The following XKR6 variants were observed in gnomAD, a reference collection of about 807,000 sequenced individuals.
XKR6 encodes XK related 6.
Under a neutral mutation model 56.7 loss-of-function variants are expected in XKR6, and 22 were observed. The ratio of observed to expected loss-of-function variants is 0.39; its 90% CI spans 0.28 to 0.55. The LOEUF (loss-of-function observed/expected upper bound fraction) is 0.55. Among genes scored for constraint, XKR6 ranks in the 20% least tolerant of loss-of-function variants. The pLI is 0.66. For missense variants in XKR6, 852 were observed against 889.0 expected, an observed-to-expected ratio of 0.96 and a Z score of 0.53; for synonymous variants, 524 against 387.8, an observed-to-expected ratio of 1.35 and a Z score of -4.13.
At chr8:11,009,971 A>G (rs1235727961) in intron 1 of XKR6, among the ~76,000 whole-genome samples, 1 of 152,228 alleles carries the variant, frequency 6.6e-6, no homozygotes. Flanking sequence ...AAATAATTGT[A>G]TTAGTCTGTT....
intron 1 of XKR6, among the ~76,000 whole-genome samples, chr8:11,010,564 C>T (rs1798477250): frequency 1.3e-5 from 2 of 152,188 alleles, no homozygotes; most frequent in African/African-American, 2.4e-5. Flanking sequence ...ACTCATCAGA[C>T]ATTTGTTTTT....
chr8:11,114,127 G>C (rs1267206040), intron 1 of XKR6: 6 of 426,928 alleles, frequency 1.4e-5, no homozygotes, highest in Non-Finnish European at 2.3e-5. Flanking sequence ...GAACAAATGA[G>C]CATGGAATGA....
At chr8:11,120,446 A>G (rs1327852442) in intron 1 of XKR6, among the ~76,000 whole-genome samples, 2 of 152,246 alleles carry the variant, frequency 1.3e-5, no homozygotes, top group Non-Finnish European at 2.9e-5. Flanking sequence ...ATTGCTTCAC[A>G]GAGAATAAAA....
intron 1 of XKR6, among the ~76,000 whole-genome samples, chr8:10,926,986 A>C (rs1372577968): frequency 7.2e-5 from 11 of 152,220 alleles, no homozygotes; most frequent in Non-Finnish European, 1.5e-5. Flanking sequence ...GAGACACAGA[A>C]GTAGGAGGGA....
intron 1 of XKR6, among the ~76,000 whole-genome samples, chr8:10,963,259 G>C (rs1802118889): frequency 6.6e-6 from 1 of 152,250 alleles, no homozygotes; most frequent in South Asian, 2.1e-4. Flanking sequence ...CTGCCTCAGG[G>C]CCTTGGCACT....
intron 1 of XKR6, among the ~76,000 whole-genome samples, chr8:10,952,148 C>T (rs1259431940): frequency 6.6e-6 from 1 of 152,204 alleles, no homozygotes; most frequent in African/African-American, 2.4e-5. Flanking sequence ...TCCCAGGCCT[C>T]AGCCCACCTG....
intron 2 of XKR6, among the ~76,000 whole-genome samples, chr8:10,916,795 G>A (rs571574326): frequency 1.8e-3 from 275 of 152,328 alleles, no homozygotes; most frequent in African/African-American, 6.4e-3. Context: ...AGAGAAAACC[G>A]AATTGTCCTT....
intron 1 of XKR6, among the ~76,000 whole-genome samples, chr8:11,025,175 G>C (rs952697752): frequency 5.9e-5 from 9 of 152,182 alleles, no homozygotes; most frequent in African/African-American, 2.2e-4. Flanking sequence ...AGACACTTCT[G>C]TTCCTGCCTC....
At chr8:11,037,528 A>ATGC (rs1799176290) in intron 1 of XKR6, among the ~76,000 whole-genome samples, 1 of 152,022 alleles carries the variant, frequency 6.6e-6, no homozygotes, top group Non-Finnish European at 1.5e-5. Context: ...CCCAGCCTCA[A>ATGC]TGCTGTATTT....
At chr8:11,157,307 A>C (rs2116997541) in intron 1 of XKR6, among the ~76,000 whole-genome samples, 1 of 152,296 alleles carries the variant, frequency 6.6e-6, no homozygotes, top group Non-Finnish European at 1.5e-5. Flanking sequence ...CAGAAATCCA[A>C]ATAAAGCCTG....
intron 1 of XKR6, among the ~76,000 whole-genome samples, chr8:10,954,038 C>A (rs1801804797): frequency 6.6e-6 from 1 of 152,084 alleles, no homozygotes; most frequent in South Asian, 2.1e-4. Context: ...ATGTATATAC[C>A]ACATTTTGTT....
intron 1 of XKR6, among the ~76,000 whole-genome samples, chr8:11,178,150 A>C (rs1310981601): frequency 6.6e-6 from 1 of 152,170 alleles, no homozygotes; most frequent in African/African-American, 2.4e-5. Context: ...AGCTTATCTT[A>C]ATGAAAACTA....
chr8:11,082,227 C>T (rs1797749291), intron 1 of XKR6, among the ~76,000 whole-genome samples: 1 of 152,178 alleles, frequency 6.6e-6, no homozygotes, highest in African/African-American at 2.4e-5. Context: ...TCTCTGAAGC[C>T]CAGCTCCACT....
At chr8:11,036,881 G>C (rs1364903957) in intron 1 of XKR6, among the ~76,000 whole-genome samples, 2 of 152,210 alleles carry the variant, frequency 1.3e-5, no homozygotes, top group Non-Finnish European at 2.9e-5. Flanking sequence ...TGAGCACAGG[G>C]TGGGGCGTGC....
chr8:10,909,777 A>G (rs1315110819), intron 2 of XKR6, among the ~76,000 whole-genome samples: 1 of 152,186 alleles, frequency 6.6e-6, no homozygotes, highest in African/African-American at 2.4e-5. Flanking sequence ...CATTTACTGA[A>G]TGTTTCAGTG....
At chr8:11,049,654 C>G (rs2129159194) in intron 1 of XKR6, among the ~76,000 whole-genome samples, 1 of 152,282 alleles carries the variant, frequency 6.6e-6, no homozygotes, top group Non-Finnish European at 1.5e-5. Flanking sequence ...GGCTGAGGTG[C>G]CCACCTCCCC....
chr8:10,982,258 T>C (rs1797752759), intron 1 of XKR6, among the ~76,000 whole-genome samples: 1 of 152,220 alleles, frequency 6.6e-6, no homozygotes, highest in Admixed American at 6.5e-5. Context: ...TTTCTCCCAG[T>C]TGAAAATCAT....
At chr8:11,146,037 T>G (rs866692413) in intron 1 of XKR6, among the ~76,000 whole-genome samples, 1 of 152,088 alleles carries the variant, frequency 6.6e-6, no homozygotes, top group Middle Eastern at 3.4e-3. Flanking sequence ...AAATACATAT[T>G]TATGGTCAAT....
intron 1 of XKR6, among the ~76,000 whole-genome samples, chr8:11,185,259 C>T (rs965689583): frequency 6.6e-6 from 1 of 152,186 alleles, no homozygotes; most frequent in Non-Finnish European, 1.5e-5. Flanking sequence ...ATTAATCTTT[C>T]TTAAATATAG....
Sources: allele counts gnomAD v4.1 joint callset (sites outside exome capture counted in the v4.1 genomes callset), GRCh38; gene constraint gnomAD v4.1.1; transcripts MANE v1.5; gene names NCBI Gene and HGNC (gene_info 2026-07-23, HGNC 2026-07-21).